The following MBOAT1 variants were observed in gnomAD, a reference collection of about 807,000 sequenced individuals.
MBOAT1 encodes the protein membrane-bound glycerophospholipid O-acyltransferase 1.
A neutral mutation model predicts 64.4 loss-of-function variants in MBOAT1; 67 were observed. The ratio of observed to expected loss-of-function variants is 1.04; its 90% CI spans 0.85 to 1.27. The LOEUF is 1.27. Among genes scored for constraint, MBOAT1 ranks in the 50% most tolerant of loss-of-function variants. MBOAT1 has a pLI of 0.00. For synonymous variants in MBOAT1, 229 were observed against 218.9 expected (o/e 1.05, Z -0.41); for missense variants, 563 against 604.6 (o/e 0.93, Z 0.72).
At chr6:20,210,561 G>T (rs897299723) in intron 1 of MBOAT1, among the ~76,000 whole-genome samples, 3 of 151,662 alleles carry the variant, frequency 2.0e-5, no homozygotes, top group African/African-American at 7.3e-5. Context: ...TTTCTCCTTC[G>T]GTTTATCCCA....
At chr6:20,184,013 T>A (rs903650118) in intron 1 of MBOAT1, among the ~76,000 whole-genome samples, 1 of 152,212 alleles carries the variant, frequency 6.6e-6, no homozygotes, top group South Asian at 2.1e-4. Context: ...CTGGCCCCCA[T>A]GATTCAATTA....
chr6:20,183,178 G>A (rs1185315157), intron 1 of MBOAT1, among the ~76,000 whole-genome samples: 2 of 152,050 alleles, frequency 1.3e-5, no homozygotes, highest in Admixed American at 6.5e-5. Flanking sequence ...CTCCAGGCTG[G>A]AAAGTAACTA....
At chr6:20,211,028 T>A (rs965404665) in intron 1 of MBOAT1, among the ~76,000 whole-genome samples, 7 of 152,148 alleles carry the variant, frequency 4.6e-5, no homozygotes, top group African/African-American at 1.7e-4. Context: ...CCTTCCCAAG[T>A]TTCTGACTTT....
chr6:20,167,141 C>A (rs533515238), intron 1 of MBOAT1, among the ~76,000 whole-genome samples: 1 of 152,126 alleles, frequency 6.6e-6, no homozygotes, highest in African/African-American at 2.4e-5. Flanking sequence ...TTGCCCGAAA[C>A]TCCAATACTA....
intron 12 of MBOAT1, 144 bp downstream of exon 12, chr6:20,109,454 T>C (rs777009770): frequency 2.8e-5 from 28 of 1,012,760 alleles, no homozygotes; most frequent in Non-Finnish European, 3.7e-5. Flanking sequence ...CCACTTCCTC[T>C]TAAAGCTTCT....
chr6:20,103,500 C>T (rs1238209052), intron 12 of MBOAT1, among the ~76,000 whole-genome samples: 3 of 151,230 alleles, frequency 2.0e-5, no homozygotes, highest in Non-Finnish European at 1.5e-5. Flanking sequence ...GGTGTGATCT[C>T]GGCTCACCGC....
At chr6:20,168,625 AGAGAAGAGAAGAGAAGAGAG>A (rs1357331360) in intron 1 of MBOAT1, among the ~76,000 whole-genome samples, 1 of 108,466 alleles carries the variant, frequency 9.2e-6, no homozygotes, top group South Asian at 3.1e-4. Flanking sequence ...AGAGAAGAGA[AGAGAAGAGAAGAGAAGAGAG>A]GAGAGGAGAG....
Position 20,126,531 on chromosome 6 carries a change from C to T in MBOAT1, c.700G>A (p.Glu234Lys), listed in dbSNP as rs1760654414. ...WKRKGFHSLP[E>K]PSPTGAVIHK... The stretch of plus-strand genomic sequence containing the variant: ...TAAAAACTTACTGTGGGAGAAGGTT[C>T]TGGCAAGCTGTGGAAACCTTTTCGC... The change falls in exon 7 of 13, where the codon GAA (glutamate) becomes AAA (lysine). Residue 234 changes from glutamate (E) to lysine (K), a missense_variant. Glu to Lys is a moderately conservative substitution (Grantham distance 56). Transcript: ENST00000324607. The T allele has an allele frequency of 6.2e-7, 1 of 1,610,032 alleles. No individual in the cohort carries two copies. The highest frequency in any genetic ancestry group is 8.5e-7 in the Non-Finnish European group (1 of 1,179,112).
chr6:20,184,797 T>TA (rs750251308), intron 1 of MBOAT1, among the ~76,000 whole-genome samples: 1 of 151,820 alleles, frequency 6.6e-6, no homozygotes, highest in Non-Finnish European at 1.5e-5. Context: ...CCTGAGCACA[T>TA]ACACATGCTG....
intron 1 of MBOAT1, among the ~76,000 whole-genome samples, chr6:20,193,167 G>A (rs938413405): frequency 7.3e-5 from 11 of 151,518 alleles, no homozygotes; most frequent in South Asian, 2.1e-4. Flanking sequence ...CACCGCGCCC[G>A]GCTAATTTTT....
intron 4 of MBOAT1, among the ~76,000 whole-genome samples, chr6:20,143,038 C>T (rs761800825): frequency 3.9e-5 from 6 of 152,268 alleles, no homozygotes; most frequent in South Asian, 2.1e-4. Context: ...GAGCCATGAG[C>T]GGTCACTCCC....
chr6:20,177,654 G>A (rs1762382273), intron 1 of MBOAT1, among the ~76,000 whole-genome samples: 1 of 151,774 alleles, frequency 6.6e-6, no homozygotes, highest in Admixed American at 6.6e-5. Flanking sequence ...GGAGCCTGTA[G>A]TCCCAGCTAC....
chr6:20,121,339 A>C (rs1198622313), intron 8 of MBOAT1, among the ~76,000 whole-genome samples: 1 of 152,270 alleles, frequency 6.6e-6, no homozygotes, highest in Non-Finnish European at 1.5e-5. Context: ...TAAATAAGAC[A>C]AAGGTTAATT....
At chr6:20,108,820 G>T (rs894452419) in intron 12 of MBOAT1, among the ~76,000 whole-genome samples, 1 of 152,110 alleles carries the variant, frequency 6.6e-6, no homozygotes, top group Non-Finnish European at 1.5e-5. Flanking sequence ...TACTAAAGAC[G>T]GTGCTCTGAG....
At chr6:20,155,722 C>G (rs1761656771) in intron 1 of MBOAT1, among the ~76,000 whole-genome samples, 4 of 152,180 alleles carry the variant, frequency 2.6e-5, no homozygotes, top group Admixed American at 2.6e-4. Context: ...CAGAAACTAC[C>G]AACTAAGCTC....
intron 9 of MBOAT1, 106 bp from the exon 10 acceptor site, chr6:20,115,458 G>GT (rs1343252071): frequency 1.2e-6 from 1 of 847,742 alleles, no homozygotes; most frequent in Non-Finnish European, 2.0e-6. Flanking sequence ...TATTTCAATA[G>GT]TGACTGCTCA....
At chr6:20,123,329 C>T (rs986921917) in intron 8 of MBOAT1, among the ~76,000 whole-genome samples, 8 of 152,184 alleles carry the variant, frequency 5.3e-5, no homozygotes, top group African/African-American at 1.7e-4. Context: ...AGTCACTGCT[C>T]TCTGACATCA....
At chr6:20,201,991 A>G (rs1299078273) in intron 1 of MBOAT1, among the ~76,000 whole-genome samples, 1 of 152,194 alleles carries the variant, frequency 6.6e-6, no homozygotes. Flanking sequence ...AAAAACAGAG[A>G]GCAAAAAATA....
intron 10 of MBOAT1, among the ~76,000 whole-genome samples, chr6:20,113,640 C>G (rs1304632137): frequency 1.3e-5 from 2 of 151,992 alleles, no homozygotes; most frequent in African/African-American, 4.8e-5. Context: ...CTGTGACAAT[C>G]TAGCAAATGT....
Sources: gnomAD v4.1 joint callset for allele counts (sites outside exome capture counted in the v4.1 genomes callset) on GRCh38, gnomAD v4.1.1 for gene constraint, MANE v1.5 for transcripts, NCBI Gene and HGNC (gene_info 2026-07-23, HGNC 2026-07-21) for gene names.